ZDHHC20: variants seen among roughly 807,000 people sequenced by gnomAD.
ZDHHC20 encodes palmitoyltransferase ZDHHC20.
In ZDHHC20, 43 loss-of-function variants were observed where a neutral mutation model predicts 57.8. The observed-to-expected ratio is 0.74, with a 90% CI of 0.58 to 0.96. The LOEUF is 0.96. Ranked by LOEUF, ZDHHC20 falls within the 40% of genes least tolerant of loss-of-function variation. The pLI is 0.00. For synonymous variants in ZDHHC20, 157 were observed against 153.0 expected, an observed-to-expected ratio of 1.03 and a Z score of -0.19; for missense variants, 391 against 441.1, an observed-to-expected ratio of 0.89 and a Z score of 1.02.
chr13:21,379,312 T>C (rs980503345), intron 11 of ZDHHC20, among the ~76,000 whole-genome samples: 1 of 152,070 alleles, frequency 6.6e-6, no homozygotes, highest in Non-Finnish European at 1.5e-5. Context: ...GACAGGGTCT[T>C]GCTCTGTCAT....
intron 2 of ZDHHC20, among the ~76,000 whole-genome samples, chr13:21,424,505 C>G (rs937593675): frequency 6.6e-6 from 1 of 152,052 alleles, no homozygotes; most frequent in Non-Finnish European, 1.5e-5. Context: ...GTCAGGAGAT[C>G]GAGACCATCC....
chr13:21,421,518 T>G (rs1471743807), intron 2 of ZDHHC20, among the ~76,000 whole-genome samples: 1 of 152,182 alleles, frequency 6.6e-6, no homozygotes, highest in Non-Finnish European at 1.5e-5. Flanking sequence ...TAAAACAGAA[T>G]CTATTACTAT....
rs116889645 is a variant in ZDHHC20, at chr13:21,435,535, G to A, written c.119-9857C>T. Among the ~76,000 whole-genome samples, 252 of 152,266 alleles carry A rather than the reference G, an allele frequency of 1.7e-3. 1 individual carries two copies. The highest frequency in any genetic ancestry group is 2.3e-3 in the Non-Finnish European group (156 of 68,036). ...TGGGACAAATTGAACAATAAAATAC[G>A]TGTTAGATTATAATTCACAAAATAG... is the stretch of plus-strand genomic sequence containing the variant. On this transcript the variant is annotated intron_variant, in intron 1 of 12. Transcript: ENST00000400590.
chr13:21,378,851 T>C (rs4770149), intron 11 of ZDHHC20, 113 bp from the exon 12 acceptor site: 149,436 of 510,220 alleles, frequency 0.29, 23,738 homozygotes, highest in Non-Finnish European at 0.33. Context: ...AAATACAAAA[T>C]AGGCTTATGG....
chr13:21,453,531 C>T (rs931249082), intron 1 of ZDHHC20, among the ~76,000 whole-genome samples: 1 of 152,140 alleles, frequency 6.6e-6, no homozygotes, highest in African/African-American at 2.4e-5. Flanking sequence ...ACATATTTTT[C>T]GTAAGCACAC....
At chr13:21,452,338 A>G (rs1483919600) in intron 1 of ZDHHC20, among the ~76,000 whole-genome samples, 2 of 152,228 alleles carry the variant, frequency 1.3e-5, no homozygotes, top group Non-Finnish European at 2.9e-5. Flanking sequence ...AAATTAGTGA[A>G]TTTTATGACA....
chr13:21,380,723 C>G (rs1024628016), intron 11 of ZDHHC20, among the ~76,000 whole-genome samples: 3 of 150,510 alleles, frequency 2.0e-5, no homozygotes, highest in Non-Finnish European at 4.4e-5. Flanking sequence ...ACCCGGGAGG[C>G]GGAGGTTGCA....
intron 1 of ZDHHC20, among the ~76,000 whole-genome samples, chr13:21,426,127 T>A (rs1426718931): frequency 6.6e-6 from 1 of 152,176 alleles, no homozygotes; most frequent in Non-Finnish European, 1.5e-5. Context: ...CCCTGCTAAT[T>A]TTTAGTGTTT....
rs377413113 is a variant in ZDHHC20, at chr13:21,401,702, C to G, written c.441-17G>C. On this transcript the variant is annotated splice_polypyrimidine_tract_variant and intron_variant, in intron 5 of 12. Transcript: ENST00000400590. ...AGAATACATCTAGGAAACAAACAAG[C>G]ATAAGAAAATCCATGCAGAAAAATT... 3.3e-5 allele frequency: 49 copies of G among 1,491,258 alleles called. No individual in the cohort carries two copies. In the African/African-American group the frequency reaches 6.8e-4, roughly 21 times the overall value. 92.4% of individuals were successfully genotyped at this position (1,491,258 alleles called of 1,614,324 possible).
chr13:21,385,641 A>C (rs1874331310), intron 9 of ZDHHC20, among the ~76,000 whole-genome samples: 2 of 152,224 alleles, frequency 1.3e-5, no homozygotes, highest in Non-Finnish European at 2.9e-5. Flanking sequence ...ATGTATACCC[A>C]AGAGTACCAG....
chr13:21,445,826 A>C (rs1883638529), intron 1 of ZDHHC20, among the ~76,000 whole-genome samples: 1 of 152,244 alleles, frequency 6.6e-6, no homozygotes, highest in African/African-American at 2.4e-5. Flanking sequence ...TGAGGGGGGA[A>C]AAATGCAGGG....
intron 1 of ZDHHC20, among the ~76,000 whole-genome samples, chr13:21,454,008 A>G (rs1418823091): frequency 1.3e-5 from 2 of 152,054 alleles, no homozygotes; most frequent in Non-Finnish European, 2.9e-5. Flanking sequence ...CACCATGCCC[A>G]TCTAATTTTT....
intron 1 of ZDHHC20, among the ~76,000 whole-genome samples, chr13:21,451,202 G>C (rs765118917): frequency 1.3e-4 from 20 of 152,160 alleles, no homozygotes; most frequent in Non-Finnish European, 2.8e-4. Flanking sequence ...AACAAAGACT[G>C]TATGTAGGAC....
At chr13:21,379,049 T>C (rs992276065) in intron 11 of ZDHHC20, among the ~76,000 whole-genome samples, 1 of 152,192 alleles carries the variant, frequency 6.6e-6, no homozygotes, top group Admixed American at 6.5e-5. Context: ...CGGGCCTTAA[T>C]AGTATTGCCT....
chr13:21,401,744 CT>C, intron 5 of ZDHHC20, 59 bp from the exon 6 acceptor site: 1 of 1,422,584 alleles, frequency 7.0e-7, no homozygotes, highest in Non-Finnish European at 9.3e-7. Flanking sequence ...ATTCTAACTT[CT>C]CATAATTTTC....
chr13:21,417,183 T>C (rs1475546823), intron 3 of ZDHHC20, among the ~76,000 whole-genome samples: 6 of 152,232 alleles, frequency 3.9e-5, no homozygotes, highest in Admixed American at 3.3e-4. Flanking sequence ...TATCTGACTA[T>C]ACTATCTAAA....
At chr13:21,404,394 G>A in intron 4 of ZDHHC20, 1 of 464,026 alleles carries the variant, frequency 2.2e-6, no homozygotes, top group Non-Finnish European at 4.3e-6. Flanking sequence ...AACTCAATTT[G>A]TTGAAATTTT....
chr13:21,447,164 C>T (rs1679423955), intron 1 of ZDHHC20, among the ~76,000 whole-genome samples: 1 of 151,624 alleles, frequency 6.6e-6, no homozygotes, highest in Non-Finnish European at 1.5e-5. Flanking sequence ...CACCCTAAAA[C>T]TTAAGTTACT....
rs564850921 is a variant in ZDHHC20, at chr13:21,374,552, A to T, written c.*2144T>A. On this transcript the variant is annotated 3_prime_UTR_variant, in exon 13 of 13. Coordinates refer to ENST00000400590, the MANE Select transcript of ZDHHC20 (RefSeq NM_001330059.2). Reference sequence around the variant, plus strand: ...ACCCAGCAATAATTGGTATCTCTTAAATCTCATTCTAGTTTGCTAGAATCA... The same window carrying T: ...ACCCAGCAATAATTGGTATCTCTTATATCTCATTCTAGTTTGCTAGAATCA... 339 of 350,178 alleles carry T rather than the reference A, an allele frequency of 9.7e-4. 7 individuals are homozygous for T. The highest frequency in any genetic ancestry group is 7.2e-3 in the South Asian group (334 of 46,108). The allele number at this position is 350,178 out of a possible 1,614,324, so 21.7% of individuals were successfully genotyped here.
Sources: allele counts gnomAD v4.1 joint callset (sites outside exome capture counted in the v4.1 genomes callset), GRCh38; gene constraint gnomAD v4.1.1; transcripts MANE v1.5; gene names NCBI Gene and HGNC (gene_info 2026-07-23, HGNC 2026-07-21).